The following MCM8 variants were observed in gnomAD, a reference collection of about 807,000 sequenced individuals.
MCM8 encodes the protein minichromosome maintenance 8 homologous recombination repair factor.
Under a neutral mutation model 98.9 loss-of-function variants are expected in MCM8, and 85 were observed. The observed-to-expected ratio is 0.86, with a 90% confidence interval of 0.72 to 1.03. MCM8 has a LOEUF of 1.03. Among genes scored for constraint, MCM8 ranks in the 50% least tolerant of loss-of-function variants. The probability of loss-of-function intolerance (pLI) is 0.00; values close to 1 mark genes in which losing one functional copy is unlikely to be tolerated. For missense variants in MCM8, 951 were observed against 997.8 expected (o/e 0.95, Z 0.63); for synonymous variants, 352 against 338.6 (o/e 1.04, Z -0.44).
intron 5 of MCM8, among the ~76,000 whole-genome samples, chr20:5,956,884 G>A (rs1051980169): frequency 2.0e-5 from 3 of 151,842 alleles, no homozygotes; most frequent in African/African-American, 7.3e-5. Flanking sequence ...GGTTTAGTTG[G>A]GACAGAAAGT....
intron 6 of MCM8, among the ~76,000 whole-genome samples, 153 bp from the exon 7 acceptor site, chr20:5,958,374 AC>A (rs1365863439): frequency 6.6e-6 from 1 of 152,224 alleles, no homozygotes; most frequent in African/African-American, 2.4e-5. Context: ...TCTCAAGAAA[AC>A]AAAACACAAC....
chr20:5,984,064 A>T (rs1168547218), intron 14 of MCM8, among the ~76,000 whole-genome samples: 3 of 152,210 alleles, frequency 2.0e-5, no homozygotes, highest in Non-Finnish European at 4.4e-5. Context: ...TTCAAAAACA[A>T]TGTTTATATC....
Position 5,993,553 on chromosome 20 carries a change from G to T in MCM8, c.2288G>T (p.Arg763Leu). The change falls in exon 18 of 19, where the codon CGA (arginine) becomes CTA (leucine). Residue 763 changes from arginine to leucine, a missense_variant. Coordinates refer to ENST00000610722, the MANE Select transcript of MCM8 (RefSeq NM_032485.6). ...GAATTTGGGAACCTAGATTTTGAGC[G>T]ATCCCAGCATGGTTCTGGAATGAGC... ...SDEFGNLDFE[R>L]SQHGSGMSNR... The T allele has an allele frequency of 6.3e-7, 1 of 1,586,146 alleles. No individual in the cohort carries two copies. Among genetic ancestry groups the T allele is most frequent in the Non-Finnish European group, 8.6e-7 (1 of 1,162,248 alleles).
chr20:5,972,716 A>G, intron 11 of MCM8: 1 of 1,300,668 alleles, frequency 7.7e-7, no homozygotes, highest in Non-Finnish European at 1.0e-6. Context: ...CACCAGACCC[A>G]GCTACTTTTG....
chr20:5,992,633 A>G (rs2089876115), intron 17 of MCM8, among the ~76,000 whole-genome samples: 1 of 152,180 alleles, frequency 6.6e-6, no homozygotes, highest in South Asian at 2.1e-4. Flanking sequence ...TCCTATTTGC[A>G]TAACGTAGGC....
chr20:5,975,817 T>C (rs1050566857), intron 12 of MCM8, among the ~76,000 whole-genome samples: 12 of 151,952 alleles, frequency 7.9e-5, no homozygotes, highest in Non-Finnish European at 1.5e-4. Context: ...TTAATAAATG[T>C]TTCTTGGCAG....
chr20:5,977,950 T>G lies in MCM8; in HGVS notation c.1470T>G (p.Thr490=). The G allele has an allele frequency of 6.2e-7, 1 of 1,614,244 alleles. No individual in the cohort carries two copies. Among genetic ancestry groups the G allele is most frequent in the Non-Finnish European group, 8.5e-7 (1 of 1,180,040 alleles). The part of the protein sequence containing the change: ...NTTTTSGLTV[T]LSKDSSSGDF... ...CGACCACCTCTGGTCTGACGGTAAC[T>G]CTTTCAAAAGATAGTTCCTCTGGAG... Residue 490 remains threonine, a synonymous_variant, in exon 13 of 19, where the codon ACT becomes ACG. Coordinates refer to ENST00000610722, the MANE Select transcript of MCM8 (RefSeq NM_032485.6).
Position 5,985,952 on chromosome 20 carries a change from C to T in MCM8, c.1984C>T (p.Pro662Ser), listed in dbSNP as rs760412395. The change falls in exon 16 of 19, where the codon CCC becomes TCC. Residue 662 changes from proline (P) to serine (S), a missense_variant. Pro to Ser is a moderately conservative substitution (Grantham distance 74). Coordinates refer to ENST00000610722, the MANE Select transcript of MCM8 (RefSeq NM_032485.6). ...VVPGETIDPI[P>S]HQLLRKYIGY... is the part of the protein sequence containing the mutation. ...TCCTGGAGAAACAATAGATCCCATT[C>T]CCCACCAGCTATTGAGAAAGTACAT... 3.1e-6 allele frequency: 5 copies of T among 1,614,200 alleles called. No homozygotes were observed. The Admixed American group carries it at 5.0e-5, about 16-fold the overall frequency.
At chr20:5,988,692 A>T (rs181642479) in intron 17 of MCM8, among the ~76,000 whole-genome samples, 11 of 152,322 alleles carry the variant, frequency 7.2e-5, no homozygotes, top group Non-Finnish European at 1.3e-4. Context: ...GATAGCAATG[A>T]AAATACATTA....
chr20:5,972,056 C>G lies in MCM8; in HGVS notation c.1254+19C>G. The G allele has an allele frequency of 3.1e-6, 5 of 1,594,118 alleles. No homozygotes were observed. Among genetic ancestry groups the G allele is most frequent in the Non-Finnish European group, 4.3e-6 (5 of 1,165,954 alleles). ...TCATGAAGTAAGTATTTTACTTCAT[C>G]TTTACTCAAAAAGTATATAAGGTTA... On this transcript the variant is annotated intron_variant, in intron 11 of 18. Coordinates refer to ENST00000610722, the MANE Select transcript of MCM8 (RefSeq NM_032485.6).
At chr20:5,983,630 G>A (rs1273053092) in intron 14 of MCM8, among the ~76,000 whole-genome samples, 1 of 152,176 alleles carries the variant, frequency 6.6e-6, no homozygotes, top group Non-Finnish European at 1.5e-5. Context: ...AACCTGGGAG[G>A]TGGAGGTTGC....
chr20:5,979,308 AC>A (rs2089582688), intron 13 of MCM8, among the ~76,000 whole-genome samples: 1 of 150,960 alleles, frequency 6.6e-6, no homozygotes, highest in Admixed American at 6.6e-5. Context: ...TAGTTCTTGG[AC>A]CTTTTGTCTT....
In MCM8 at chr20:5,972,022, C is replaced by G. The variant is rs148808427; in HGVS notation, c.1239C>G (p.Val413=). 1.2e-6 allele frequency: 2 copies of G among 1,611,364 alleles called. No homozygotes were observed. Among genetic ancestry groups the G allele is most frequent in the African/African-American group, 2.7e-5 (2 of 74,826 alleles). The part of the protein sequence containing the change: ...FKLIVNSLCP[V]IFGHELVKAG... ...TGTTTTTCAGCTCGCTTTGCCCTGT[C>G]ATTTTTGGTCATGAAGTAAGTATTT... The change falls in exon 11 of 19, where the codon GTC becomes GTG. Residue 413 remains valine, a synonymous_variant. Transcript: ENST00000610722.
intron 12 of MCM8, among the ~76,000 whole-genome samples, chr20:5,974,172 G>T (rs959624843): frequency 1.3e-5 from 2 of 152,082 alleles, no homozygotes; most frequent in African/African-American, 4.8e-5. Flanking sequence ...TTCCTCTTTT[G>T]CCCAGACTGA....
At chr20:5,985,473 C>T (rs1204152044) in intron 15 of MCM8, among the ~76,000 whole-genome samples, 2 of 149,850 alleles carry the variant, frequency 1.3e-5, no homozygotes, top group East Asian at 3.9e-4. Context: ...TCTAAGTCAG[C>T]TAAGATGAGA....
intron 13 of MCM8, among the ~76,000 whole-genome samples, chr20:5,978,926 G>T (rs1248985505): frequency 1.3e-5 from 2 of 152,112 alleles, no homozygotes; most frequent in African/African-American, 4.8e-5. Flanking sequence ...TTCAGGATTT[G>T]AGTGACAGGT....
intron 10 of MCM8, among the ~76,000 whole-genome samples, chr20:5,968,936 G>A (rs1381502877): frequency 6.6e-6 from 1 of 152,206 alleles, no homozygotes; most frequent in Non-Finnish European, 1.5e-5. Flanking sequence ...TGGAGAAGCA[G>A]CAAAGTATAG....
chr20:5,962,056 C>G (rs544326547), intron 7 of MCM8, among the ~76,000 whole-genome samples: 1 of 152,340 alleles, frequency 6.6e-6, no homozygotes, highest in Middle Eastern at 3.4e-3. Context: ...GAGTTGTAGT[C>G]AGATGGTGGC....
At chr20:5,964,794 T>C (rs2089238478) in intron 8 of MCM8, 1 of 152,220 alleles carries the variant, frequency 6.6e-6, no homozygotes, top group Non-Finnish European at 1.5e-5. Flanking sequence ...ATGATGAATG[T>C]ATTCCAAAGT....
Sources: allele counts gnomAD v4.1 joint callset (sites outside exome capture counted in the v4.1 genomes callset), GRCh38; gene constraint gnomAD v4.1.1; transcripts MANE v1.5; gene names NCBI Gene and HGNC (gene_info 2026-07-23, HGNC 2026-07-21).